CELF2: variants seen among roughly 807,000 people sequenced by gnomAD.
CELF2 encodes the protein CUG triplet repeat RNA-binding protein 2.
Under a neutral mutation model 62.6 loss-of-function variants are expected in CELF2, and 8 were observed. That is an observed-to-expected ratio of 0.13 (90% CI 0.07 to 0.23). CELF2 has a LOEUF of 0.23. CELF2 is among the 10% of genes least tolerant of loss of function. The pLI is 1.00. For synonymous variants in CELF2, 258 were observed against 250.0 expected, an observed-to-expected ratio of 1.03 and a Z score of -0.30; for missense variants, 333 against 671.0, an observed-to-expected ratio of 0.50 and a Z score of 5.56.
chr10:10,515,146 G>T, the CELF2 span, among the ~76,000 whole-genome samples: 665 of 152,304 alleles, frequency 4.4e-3, 10 homozygotes, highest in African/African-American at 0.015. Context: ...GTCCTGAGCA[G>T]GTGACACACC....
At position 11,244,916 on chromosome 10, in the gene CELF2, C is replaced by A. The variant is rs141126991; in HGVS notation, c.355-4237C>A. Among the ~76,000 whole-genome samples the A allele has an allele frequency of 6.6e-6, 1 of 152,274 alleles. No individual in the cohort carries two copies. Among genetic ancestry groups the A allele is most frequent in the African/African-American group, 2.4e-5 (1 of 41,566 alleles). Reference sequence around the variant, plus strand: ...TCCTTCCTCCATCTGTGTCTGGTGTCTCTTCTCTGAGTTCGCACCGTACAG... The same window carrying A: ...TCCTTCCTCCATCTGTGTCTGGTGTATCTTCTCTGAGTTCGCACCGTACAG... On this transcript the variant is annotated intron_variant, in intron 3 of 12. Coordinates refer to ENST00000633077, the MANE Select transcript of CELF2 (RefSeq NM_001326342.2). This position sits in a 1 kb window ranked among gnomAD's most constrained non-coding sequence, Gnocchi z 4.2.
the CELF2 span, among the ~76,000 whole-genome samples, chr10:10,532,803 T>C: frequency 6.6e-6 from 1 of 151,036 alleles, no homozygotes; most frequent in Admixed American, 6.6e-5. Context: ...CCTTGGTTTA[T>C]CACTGGAAGA....
Position 11,008,304 on chromosome 10 carries a change from G to T in CELF2, c.53+2864G>T, listed in dbSNP as rs1208779361. ...TAAATATTGCACCCTAAGCCCTTCTGCCATGAGCTTTGGGAATATTCACAT... is the reference window on the plus strand; with the variant it reads ...TAAATATTGCACCCTAAGCCCTTCTTCCATGAGCTTTGGGAATATTCACAT... On this transcript the variant is annotated intron_variant, in intron 1 of 12. Coordinates refer to the CELF2 transcript ENST00000416382. The surrounding 1 kb of genome is among the most constrained non-coding windows in gnomAD (Gnocchi z 4.5). Among the ~76,000 whole-genome samples the T allele has an allele frequency of 6.6e-6, 1 of 152,184 alleles. No individual in the cohort carries two copies. The highest frequency in any genetic ancestry group is 2.4e-5 in the African/African-American group (1 of 41,442).
chr10:11,074,086 T>C (rs1191469301), intron 1 of CELF2, among the ~76,000 whole-genome samples: 1 of 152,190 alleles, frequency 6.6e-6, no homozygotes, highest in African/African-American at 2.4e-5. Context: ...GTCTGCAGGC[T>C]AAAGTATATA....
chr10:11,155,423 TCTC>T (rs2064152636), intron 1 of CELF2, among the ~76,000 whole-genome samples: 2 of 152,218 alleles, frequency 1.3e-5, no homozygotes, highest in South Asian at 2.1e-4. Context: ...CTCCTCGTCT[TCTC>T]CTGCAGGTTT....
intron 1 of CELF2, among the ~76,000 whole-genome samples, chr10:10,911,448 G>C (rs575083162): frequency 2.6e-5 from 4 of 152,366 alleles, no homozygotes; most frequent in African/African-American, 7.2e-5. Context: ...GGAAGAGGCT[G>C]TATGTGTCAG....
chr10:10,512,135 C>T, the CELF2 span, among the ~76,000 whole-genome samples: 1 of 152,046 alleles, frequency 6.6e-6, no homozygotes, highest in Non-Finnish European at 1.5e-5. Flanking sequence ...GCTCCTTGCT[C>T]GAGGGTATAA....
At chr10:10,799,164 A>G (rs980329612) in intron 1 of CELF2, among the ~76,000 whole-genome samples, 1 of 152,180 alleles carries the variant, frequency 6.6e-6, no homozygotes, top group African/African-American at 2.4e-5. Context: ...AATGTGGTCA[A>G]CTTTCTGGGA....
chr10:11,121,201 C>T (rs1382078460), intron 1 of CELF2, among the ~76,000 whole-genome samples: 1 of 152,114 alleles, frequency 6.6e-6, no homozygotes, highest in Non-Finnish European at 1.5e-5. Flanking sequence ...AAACCAATTT[C>T]TTCCTTGATG....
intron 9 of CELF2, among the ~76,000 whole-genome samples, chr10:11,313,246 T>C (rs959154534): frequency 4.6e-5 from 7 of 152,200 alleles, no homozygotes; most frequent in African/African-American, 1.7e-4. Context: ...TCCAAATCTA[T>C]GCAAGTAGTA....
the CELF2 span, among the ~76,000 whole-genome samples, chr10:10,666,219 A>G: frequency 6.6e-6 from 1 of 152,172 alleles, no homozygotes; most frequent in Non-Finnish European, 1.5e-5. Context: ...GAAAAGTCTC[A>G]GTAAAAAAAC....
intron 2 of CELF2, among the ~76,000 whole-genome samples, chr10:11,208,976 T>A (rs1248425478): frequency 6.6e-6 from 1 of 152,208 alleles, no homozygotes; most frequent in Non-Finnish European, 1.5e-5. Context: ...TTCTTCTCAT[T>A]TTATTTTTTA....
chr10:10,464,743 A>G, the CELF2 span, among the ~76,000 whole-genome samples: 1 of 152,216 alleles, frequency 6.6e-6, no homozygotes, highest in Admixed American at 6.5e-5. Flanking sequence ...TTGAACTAGT[A>G]ATCAGTCCAT....
intron 4 of CELF2, among the ~76,000 whole-genome samples, chr10:11,250,773 C>T (rs1175419704): frequency 6.6e-6 from 1 of 152,216 alleles, no homozygotes; most frequent in East Asian, 1.9e-4. Context: ...AAGTTGCCTT[C>T]CCCTGAGCCC....
intron 1 of CELF2, among the ~76,000 whole-genome samples, chr10:11,124,704 T>C (rs761394770): frequency 6.6e-6 from 1 of 152,176 alleles, no homozygotes; most frequent in Non-Finnish European, 1.5e-5. Context: ...GCGTACAAGG[T>C]ACACACAGCA....
the CELF2 span, among the ~76,000 whole-genome samples, chr10:10,588,176 C>T: frequency 1.3e-5 from 2 of 152,084 alleles, no homozygotes; most frequent in African/African-American, 4.8e-5. Flanking sequence ...ACGCTGATGG[C>T]CCCGTGACCC....
the CELF2 span, among the ~76,000 whole-genome samples, chr10:10,630,768 C>A: frequency 6.6e-6 from 1 of 152,108 alleles, no homozygotes; most frequent in Non-Finnish European, 1.5e-5. Flanking sequence ...ATAGGGTCTG[C>A]AATGCCTTGG....
intron 1 of CELF2, among the ~76,000 whole-genome samples, chr10:11,095,773 G>A (rs2049682151): frequency 6.6e-6 from 1 of 152,144 alleles, no homozygotes; most frequent in East Asian, 1.9e-4. Context: ...CATCATGACA[G>A]GAGACGCTTC....
At chr10:10,685,498 G>A in the CELF2 span, among the ~76,000 whole-genome samples, 3 of 152,100 alleles carry the variant, frequency 2.0e-5, no homozygotes, top group African/African-American at 7.2e-5. Flanking sequence ...AATCACATAC[G>A]ATACATTCTG....
Sources: gnomAD v4.1 joint callset for allele counts (sites outside exome capture counted in the v4.1 genomes callset) on GRCh38, gnomAD v4.1.1 for gene constraint, Gnocchi (gnomAD v3.1) non-coding constraint, MANE v1.5 for transcripts, NCBI Gene and HGNC (gene_info 2026-07-23, HGNC 2026-07-21) for gene names.